The following TRAK1 variants were observed in gnomAD, a reference collection of about 807,000 sequenced individuals.
TRAK1 encodes the protein trafficking kinesin protein 1, also known as trafficking kinesin-binding protein 1.
A neutral mutation model predicts 92.1 loss-of-function variants in TRAK1; 33 were observed. The ratio of observed to expected loss-of-function variants is 0.36; its 90% CI spans 0.27 to 0.48. The LOEUF is 0.48. Ranked by LOEUF, TRAK1 falls within the 20% of genes least tolerant of loss-of-function variation. The probability of loss-of-function intolerance (pLI) is 0.99; values close to 1 mark genes in which losing one functional copy is unlikely to be tolerated. For missense variants in TRAK1, 1,123 were observed against 1,257.9 expected (o/e 0.89, Z 1.62); for synonymous variants, 521 against 517.3 (o/e 1.01, Z -0.10).
At chr3:42,034,490 T>C (rs527996694) in intron 1 of TRAK1, among the ~76,000 whole-genome samples, 106 of 152,168 alleles carry the variant, frequency 7.0e-4, no homozygotes, top group African/African-American at 2.5e-3. Context: ...ATGAGGTTTC[T>C]CCATGTTGTC....
intron 2 of TRAK1, among the ~76,000 whole-genome samples, chr3:42,173,159 A>G (rs982142964): frequency 6.6e-6 from 1 of 152,168 alleles, no homozygotes; most frequent in Admixed American, 6.5e-5. Flanking sequence ...CAAAAGAAAA[A>G]AAAATTATCG....
In TRAK1 at chr3:42,131,805, C is replaced by T. The variant is rs545590144; in HGVS notation, c.286+6191C>T. ...AGGCGTGGTGGCTCACGCCTGTAAT[C>T]CCATCACTTTAGGAGGCCAAGGCAG... On this transcript the variant is annotated intron_variant, in intron 2 of 15. Coordinates refer to ENST00000327628, the MANE Select transcript of TRAK1 (RefSeq NM_001042646.3). Among the ~76,000 whole-genome samples the T allele has an allele frequency of 6.6e-5, 10 of 151,710 alleles. No individual in the cohort carries two copies. In the South Asian group the frequency reaches 2.1e-3, roughly 32 times the overall value.
chr3:42,045,081 C>T (rs1229811722), intron 1 of TRAK1, among the ~76,000 whole-genome samples: 1 of 152,102 alleles, frequency 6.6e-6, no homozygotes, highest in African/African-American at 2.4e-5. Context: ...CCTGAGGATG[C>T]ATTTCATAGT....
chr3:42,121,508 C>T (rs1242731976), intron 1 of TRAK1, among the ~76,000 whole-genome samples: 2 of 152,186 alleles, frequency 1.3e-5, no homozygotes, highest in African/African-American at 2.4e-5. Flanking sequence ...ATCCGCCCGC[C>T]TTGGCCTCCC....
intron 1 of TRAK1, among the ~76,000 whole-genome samples, chr3:42,112,396 C>A (rs1201084092): frequency 6.7e-6 from 1 of 149,170 alleles, no homozygotes; most frequent in Admixed American, 6.6e-5. Context: ...CCACTGCACT[C>A]CAGCCTGGGC....
chr3:42,188,197 T>C (rs1165241516), intron 5 of TRAK1, 52 bp downstream of exon 5: 3 of 1,559,550 alleles, frequency 1.9e-6, no homozygotes, highest in South Asian at 1.1e-5. Flanking sequence ...GGCTGGCCGC[T>C]GTTGATGTCC....
intron 1 of TRAK1, among the ~76,000 whole-genome samples, chr3:42,042,278 A>C (rs543151808): frequency 6.6e-6 from 1 of 152,124 alleles, no homozygotes; most frequent in South Asian, 2.1e-4. Context: ...GAATTTTGTC[A>C]AATCCTTTTT....
chr3:42,145,553 A>T (rs1699224391), intron 2 of TRAK1: 1 of 152,652 alleles, frequency 6.6e-6, no homozygotes, highest in Non-Finnish European at 1.5e-5. Context: ...AACAATAAAA[A>T]ATTTATGCAT....
intron 1 of TRAK1, among the ~76,000 whole-genome samples, chr3:42,098,501 A>G (rs972685675): frequency 2.6e-5 from 4 of 152,264 alleles, no homozygotes; most frequent in East Asian, 1.9e-4. Flanking sequence ...GAGGATATCA[A>G]TAACGTGAAG....
In TRAK1 at chr3:42,191,645, C is replaced by T. The variant is rs756546466; in HGVS notation, c.769+9C>T. 34 of 1,592,008 alleles carry T rather than the reference C, an allele frequency of 2.1e-5. 1 individual carries two copies. The South Asian group carries it at 3.8e-4, about 18-fold the overall frequency. On this transcript the variant is annotated intron_variant, in intron 7 of 15. Transcript: ENST00000327628. ...CTGCGTGAAGGAGCTGAGTATGTCC[C>T]CGCACTGCTGTCTTCTTACTTCCTT...
intron 2 of TRAK1, chr3:42,160,141 A>T: frequency 8.0e-7 from 1 of 1,254,738 alleles, no homozygotes. Context: ...CCAGGCTCAT[A>T]GGAGCCACCC....
chr3:42,070,116 G>T (rs1703854350), intron 1 of TRAK1, among the ~76,000 whole-genome samples: 1 of 151,836 alleles, frequency 6.6e-6, no homozygotes, highest in African/African-American at 2.4e-5. Flanking sequence ...CCCCACAAAG[G>T]CCGGGATTAC....
At chr3:42,221,522 A>C (rs562216882) in intron 15 of TRAK1, among the ~76,000 whole-genome samples, 39 of 152,206 alleles carry the variant, frequency 2.6e-4, no homozygotes, top group African/African-American at 9.4e-4. Flanking sequence ...CATCGCAAAG[A>C]CCTGCTCCAG....
rs1576484848 is a variant in TRAK1 at position 42,125,405 on chromosome 3, T to C, written c.92-15T>C. 6.2e-7 allele frequency: 1 copy of C among 1,606,984 alleles called. No homozygotes were observed. The highest frequency in any genetic ancestry group is 2.2e-5 in the East Asian group (1 of 44,768). ...CCATTTCTGGGCTCTCATTTCTTGG[T>C]TGTCTTGTCTTTAGATGTGTGCAAC... On this transcript the variant is annotated splice_polypyrimidine_tract_variant and intron_variant, in intron 1 of 15. Coordinates refer to ENST00000327628, the MANE Select transcript of TRAK1 (RefSeq NM_001042646.3).
intron 10 of TRAK1, among the ~76,000 whole-genome samples, chr3:42,197,195 C>G (rs941171796): frequency 6.6e-6 from 1 of 152,122 alleles, no homozygotes; most frequent in Non-Finnish European, 1.5e-5. Flanking sequence ...GTGACTTTTT[C>G]TCAGTATGGC....
intron 1 of TRAK1, among the ~76,000 whole-genome samples, chr3:42,093,313 A>G (rs563458451): frequency 1.3e-3 from 192 of 151,926 alleles, no homozygotes; most frequent in African/African-American, 4.4e-3. Flanking sequence ...TTCTAGAGAG[A>G]GCATTTGATC....
At chr3:42,110,132 A>ATATATATATATATATAT (rs58099544) in intron 1 of TRAK1, among the ~76,000 whole-genome samples, 225 of 127,984 alleles carry the variant, frequency 1.8e-3, no homozygotes, top group Non-Finnish European at 2.3e-3. Context: ...ATATATATAT[A>ATATATATATATATATAT]AACTTTGTGT....
intron 1 of TRAK1, among the ~76,000 whole-genome samples, chr3:42,048,103 A>C (rs1022193928): frequency 2.6e-5 from 4 of 151,974 alleles, no homozygotes; most frequent in Non-Finnish European, 5.9e-5. Flanking sequence ...TTTTTATCAT[A>C]ATCTCTAGGC....
At chr3:42,076,487 A>G (rs1418626120) in intron 1 of TRAK1, among the ~76,000 whole-genome samples, 4 of 152,032 alleles carry the variant, frequency 2.6e-5, no homozygotes, top group Non-Finnish European at 5.9e-5. Context: ...CGGCTTCCCA[A>G]AGTGCTGGGA....
Sources: allele counts gnomAD v4.1 joint callset (sites outside exome capture counted in the v4.1 genomes callset), GRCh38; gene constraint gnomAD v4.1.1; transcripts MANE v1.5; gene names NCBI Gene and HGNC (gene_info 2026-07-23, HGNC 2026-07-21).